The following RGS6 variants were observed in gnomAD, a reference collection of about 807,000 sequenced individuals.
The protein encoded by RGS6 is regulator of G protein signaling 6, also known as regulator of G-protein signaling 6.
Under a neutral mutation model 78.5 loss-of-function variants are expected in RGS6, and 30 were observed. The observed-to-expected ratio is 0.38, with a 90% CI of 0.29 to 0.52. RGS6 has a LOEUF of 0.52. Ranked by LOEUF, RGS6 falls within the 20% of genes least tolerant of loss-of-function variation. The probability of loss-of-function intolerance (pLI) is 0.85; values close to 1 mark genes in which losing one functional copy is unlikely to be tolerated. For missense variants in RGS6, 495 were observed against 609.7 expected (o/e 0.81, Z 1.98); for synonymous variants, 206 against 206.0 (o/e 1.00, Z 0.00).
chr14:72,359,425 A>G (rs1169263468), intron 3 of RGS6, among the ~76,000 whole-genome samples: 2 of 152,178 alleles, frequency 1.3e-5, no homozygotes, highest in Admixed American at 1.3e-4. Context: ...AAATCAAAAC[A>G]CAAATTTTAG....
At chr14:72,030,246 G>T (rs2090622238) in intron 2 of RGS6, among the ~76,000 whole-genome samples, 1 of 152,100 alleles carries the variant, frequency 6.6e-6, no homozygotes. Context: ...TAAAAGCACT[G>T]CACACAGTGG....
chr14:72,011,896 T>G (rs1376003681), intron 2 of RGS6, among the ~76,000 whole-genome samples: 1 of 152,182 alleles, frequency 6.6e-6, no homozygotes, highest in Non-Finnish European at 1.5e-5. Context: ...TGGATGATAG[T>G]CCATTAGGAT....
intron 2 of RGS6, among the ~76,000 whole-genome samples, chr14:71,990,345 C>T (rs554832206): frequency 9.1e-4 from 139 of 152,272 alleles, no homozygotes; most frequent in Admixed American, 2.0e-3. Flanking sequence ...GATCCCCATT[C>T]GTGGTTCCCC....
At chr14:72,461,533 G>A (rs886582857) in intron 6 of RGS6, among the ~76,000 whole-genome samples, 12 of 152,136 alleles carry the variant, frequency 7.9e-5, no homozygotes, top group African/African-American at 2.2e-4. Flanking sequence ...GGATGCACAA[G>A]TGTTCACCAG....
At chr14:72,147,899 A>T (rs1035559139) in intron 2 of RGS6, among the ~76,000 whole-genome samples, 1 of 152,182 alleles carries the variant, frequency 6.6e-6, no homozygotes, top group African/African-American at 2.4e-5. Flanking sequence ...TGGGAGGCCA[A>T]GGCGGGCAGA....
chr14:72,558,408 A>C (rs1051548794), intron 17 of RGS6, among the ~76,000 whole-genome samples: 2 of 152,070 alleles, frequency 1.3e-5, no homozygotes, highest in Admixed American at 1.3e-4. Context: ...CTCCCAGCCA[A>C]AGAAAGAGTT....
intron 2 of RGS6, among the ~76,000 whole-genome samples, chr14:72,315,963 G>A (rs1039631249): frequency 3.3e-5 from 5 of 152,302 alleles, no homozygotes; most frequent in African/African-American, 7.2e-5. Context: ...AGCCTCCTGT[G>A]GCTTGGCTTG....
At chr14:72,078,488 A>C (rs1243990877) in intron 2 of RGS6, among the ~76,000 whole-genome samples, 1 of 151,384 alleles carries the variant, frequency 6.6e-6, no homozygotes. Flanking sequence ...ATCTCAGCTC[A>C]CTGCAACCTC....
chr14:71,880,055 A>G, the RGS6 span, among the ~76,000 whole-genome samples: 2 of 152,238 alleles, frequency 1.3e-5, no homozygotes, highest in Non-Finnish European at 2.9e-5. Flanking sequence ...CTTATTAGGA[A>G]TTGGAGCAAA....
rs77646420 is a variant in RGS6, at chr14:72,174,012, G to A, written c.85-178083G>A. On this transcript the variant is annotated intron_variant, in intron 2 of 17. Transcript: ENST00000553525. Reference sequence around the variant, plus strand: ...GACCCCTTTCCTGCTCCGAGTATGCGGTAAGGGGGCAAGAAGCTGTATGGT... The same window carrying A: ...GACCCCTTTCCTGCTCCGAGTATGCAGTAAGGGGGCAAGAAGCTGTATGGT... Among the ~76,000 whole-genome samples the A allele has an allele frequency of 1.5e-3, 226 of 152,192 alleles. 1 individual carries two copies. The highest frequency in any genetic ancestry group is 1.4e-3 in the East Asian group (7 of 5,162).
intron 2 of RGS6, among the ~76,000 whole-genome samples, chr14:72,004,208 T>G (rs2084068974): frequency 6.6e-6 from 1 of 152,162 alleles, no homozygotes. Context: ...GAAAAAAAGT[T>G]GAACTTGGCT....
At chr14:72,262,100 G>A (rs1281725951) in intron 2 of RGS6, among the ~76,000 whole-genome samples, 1 of 151,862 alleles carries the variant, frequency 6.6e-6, no homozygotes, top group Non-Finnish European at 1.5e-5. Context: ...TTTTTGGAAG[G>A]CAGCCTCTAG....
intron 2 of RGS6, among the ~76,000 whole-genome samples, chr14:72,240,020 A>G (rs1478059076): frequency 6.6e-6 from 1 of 151,890 alleles, no homozygotes; most frequent in Non-Finnish European, 1.5e-5. Context: ...GTGTCCTAAC[A>G]TGAATCTACA....
intron 14 of RGS6, among the ~76,000 whole-genome samples, chr14:72,510,806 T>A (rs1373606645): frequency 6.6e-6 from 1 of 152,370 alleles, no homozygotes; most frequent in African/African-American, 2.4e-5. Flanking sequence ...CATGCTTTTT[T>A]CTTTTAGAAT....
At chr14:72,088,088 C>A (rs556928221) in intron 2 of RGS6, among the ~76,000 whole-genome samples, 4 of 152,254 alleles carry the variant, frequency 2.6e-5, no homozygotes, top group African/African-American at 9.6e-5. Context: ...TCTTTTGGTA[C>A]CATCTCCTTC....
chr14:72,062,415 G>A (rs2093938477), intron 2 of RGS6, among the ~76,000 whole-genome samples: 1 of 152,190 alleles, frequency 6.6e-6, no homozygotes, highest in South Asian at 2.1e-4. Flanking sequence ...GAATGTGAGA[G>A]AACCATGACC....
chr14:72,416,434 A>G (rs1185239099), intron 3 of RGS6, among the ~76,000 whole-genome samples: 1 of 152,262 alleles, frequency 6.6e-6, no homozygotes, highest in Non-Finnish European at 1.5e-5. Flanking sequence ...TAAAACTTAT[A>G]AAGTATCAGA....
chr14:72,506,744 C>G (rs2096805762), intron 13 of RGS6, among the ~76,000 whole-genome samples: 2 of 152,060 alleles, frequency 1.3e-5, no homozygotes, highest in East Asian at 3.9e-4. Flanking sequence ...TTCCCAGAAC[C>G]TCAGAATCTG....
At chr14:72,291,662 G>T (rs970182399) in intron 2 of RGS6, among the ~76,000 whole-genome samples, 7 of 152,320 alleles carry the variant, frequency 4.6e-5, no homozygotes, top group African/African-American at 1.7e-4. Context: ...TACCTAGAAA[G>T]ATAGAGCAGA....
Sources: gnomAD v4.1 joint callset for allele counts (sites outside exome capture counted in the v4.1 genomes callset) on GRCh38, gnomAD v4.1.1 for gene constraint, MANE v1.5 for transcripts, NCBI Gene and HGNC (gene_info 2026-07-23, HGNC 2026-07-21) for gene names.